The following PTPRT variants were observed in gnomAD, a reference collection of about 807,000 sequenced individuals.
The protein encoded by PTPRT is receptor-type tyrosine-protein phosphatase T.
Under a neutral mutation model 176.8 loss-of-function variants are expected in PTPRT, and 56 were observed. That is an observed-to-expected ratio of 0.32 (90% CI 0.26 to 0.40). The LOEUF (loss-of-function observed/expected upper bound fraction) is 0.40. PTPRT is among the 10% of genes least tolerant of loss of function. PTPRT has a pLI of 1.00. For missense variants in PTPRT, 1,540 were observed against 1,908.2 expected, an observed-to-expected ratio of 0.81 and a Z score of 3.60; for synonymous variants, 783 against 739.0, an observed-to-expected ratio of 1.06 and a Z score of -0.96.
intron 13 of PTPRT, among the ~76,000 whole-genome samples, chr20:42,264,777 A>T (rs974345972): frequency 2.0e-5 from 3 of 152,168 alleles, no homozygotes; most frequent in Admixed American, 6.5e-5. Flanking sequence ...TCCACCTTAT[A>T]TCCTAAAGCT....
chr20:42,885,952 GGGTAA>G lies in PTPRT; in HGVS notation c.89-25_89-21del, dbSNP rs766883216. On this transcript the variant is annotated intron_variant, in intron 1 of 30. Transcript: ENST00000373187. ...AGCCACCTGTAGACAAAAGAGATAT[GGGTAA>G]ATACATTCCCGTGTCTGAGGCTTGG... 4 of 1,583,684 alleles carry G rather than the reference GGGTAA, an allele frequency of 2.5e-6. No individual in the cohort carries two copies. The highest frequency in any genetic ancestry group is 3.4e-6 in the Non-Finnish European group (4 of 1,161,226).
At chr20:42,050,380 G>A in the PTPRT span, among the ~76,000 whole-genome samples, 1,504 of 152,196 alleles carry the variant, frequency 9.9e-3, 25 homozygotes, top group African/African-American at 0.034. Flanking sequence ...AAGAACTGAG[G>A]GCCAGAAATA....
the PTPRT span, among the ~76,000 whole-genome samples, chr20:42,050,894 T>C: frequency 3.3e-5 from 5 of 152,204 alleles, no homozygotes; most frequent in African/African-American, 9.6e-5. Context: ...CCAGGAGCTG[T>C]GGGTTATCCA....
intron 1 of PTPRT, among the ~76,000 whole-genome samples, chr20:43,180,838 G>C (rs2015240206): frequency 6.6e-6 from 1 of 151,978 alleles, no homozygotes; most frequent in Non-Finnish European, 1.5e-5. Context: ...ATAGCCTATT[G>C]GTTCTGTTTC....
intron 1 of PTPRT, among the ~76,000 whole-genome samples, chr20:43,101,995 C>G (rs184537787): frequency 1.7e-3 from 260 of 152,240 alleles, no homozygotes; most frequent in African/African-American, 6.1e-3. Flanking sequence ...AAGACCTATT[C>G]ATCATAGATG....
intron 7 of PTPRT, among the ~76,000 whole-genome samples, chr20:42,594,034 G>A (rs1481171330): frequency 1.1e-4 from 16 of 152,152 alleles, no homozygotes; most frequent in Non-Finnish European, 2.9e-5. Flanking sequence ...GTACCAGAGA[G>A]TACCGGAGGA....
intron 12 of PTPRT, among the ~76,000 whole-genome samples, chr20:42,288,367 T>C (rs569179364): frequency 7.3e-6 from 1 of 136,966 alleles, no homozygotes; most frequent in Non-Finnish European, 1.6e-5. Flanking sequence ...TTTTGTTTTG[T>C]TTTAAGATTC....
chr20:42,447,457 C>G (rs2070753765), intron 9 of PTPRT, among the ~76,000 whole-genome samples: 1 of 151,838 alleles, frequency 6.6e-6, no homozygotes, highest in Non-Finnish European at 1.5e-5. Flanking sequence ...TCCACTTGAT[C>G]TAGTATTGTA....
chr20:42,363,821 A>T (rs1285185348), intron 9 of PTPRT, among the ~76,000 whole-genome samples: 2 of 152,262 alleles, frequency 1.3e-5, no homozygotes, highest in East Asian at 3.9e-4. Context: ...AGGCAGAGGC[A>T]GGCTTGGAAC....
intron 12 of PTPRT, among the ~76,000 whole-genome samples, chr20:42,295,934 T>G (rs1600796612): frequency 6.6e-6 from 1 of 152,242 alleles, no homozygotes; most frequent in East Asian, 1.9e-4. Flanking sequence ...ACATGTTTGC[T>G]TCTCCTTCCG....
chr20:42,917,553 A>G (rs898460090), intron 1 of PTPRT, among the ~76,000 whole-genome samples: 2 of 152,216 alleles, frequency 1.3e-5, no homozygotes, highest in Non-Finnish European at 2.9e-5. Flanking sequence ...TACATTGGGC[A>G]GTATGGCCAT....
At chr20:42,738,173 G>A (rs2076564685) in intron 6 of PTPRT, among the ~76,000 whole-genome samples, 1 of 152,128 alleles carries the variant, frequency 6.6e-6, no homozygotes, top group African/African-American at 2.4e-5. Flanking sequence ...TTATAAACAA[G>A]CAGTTAGTTC....
At chr20:42,397,633 CG>C (rs993609694) in intron 9 of PTPRT, among the ~76,000 whole-genome samples, 8 of 152,150 alleles carry the variant, frequency 5.3e-5, no homozygotes, top group Admixed American at 5.2e-4. Context: ...ATTTCTTTTT[CG>C]GGTCTGCATA....
At chr20:42,369,902 T>A (rs1456133152) in intron 9 of PTPRT, among the ~76,000 whole-genome samples, 1 of 152,226 alleles carries the variant, frequency 6.6e-6, no homozygotes, top group African/African-American at 2.4e-5. Context: ...ATTTCCCTGA[T>A]GAGAACATCT....
rs547386812 is a variant in PTPRT at position 43,187,390 on chromosome 20, G to A, written c.88+2256C>T. On this transcript the variant is annotated intron_variant, in intron 1 of 30. Transcript: ENST00000373187. ...AAATACTAACAATTTCTGAATTTAGGAATAAAATAAGATAAGTCCATTTTT... is the reference window on the plus strand; with the variant it reads ...AAATACTAACAATTTCTGAATTTAGAAATAAAATAAGATAAGTCCATTTTT... 2.0e-5 allele frequency among the ~76,000 whole-genome samples: 3 copies of A among 151,924 alleles called. No homozygotes were observed. The East Asian group carries it at 5.8e-4, about 29-fold the overall frequency.
At chr20:42,121,778 T>C (rs1987606261) in intron 19 of PTPRT, among the ~76,000 whole-genome samples, 1 of 150,858 alleles carries the variant, frequency 6.6e-6, no homozygotes, top group Non-Finnish European at 1.5e-5. Context: ...TAGTATTCCA[T>C]GGTGTGTGTA....
At chr20:43,118,416 G>A (rs897035259) in intron 1 of PTPRT, among the ~76,000 whole-genome samples, 1 of 152,032 alleles carries the variant, frequency 6.6e-6, no homozygotes, top group African/African-American at 2.4e-5. Flanking sequence ...CCTCCTCACG[G>A]GTCGATGAAA....
chr20:42,241,869 T>C (rs2056360761), intron 14 of PTPRT, among the ~76,000 whole-genome samples: 2 of 152,160 alleles, frequency 1.3e-5, no homozygotes, highest in South Asian at 4.1e-4. Flanking sequence ...CCACAGAATT[T>C]GGCATCTCAG....
At chr20:42,774,051 G>A (rs935737992) in intron 4 of PTPRT, among the ~76,000 whole-genome samples, 2 of 151,994 alleles carry the variant, frequency 1.3e-5, no homozygotes, top group East Asian at 1.9e-4. Flanking sequence ...TTCCTTCTAG[G>A]TTCAGTGGTA....
Sources: allele counts gnomAD v4.1 joint callset (sites outside exome capture counted in the v4.1 genomes callset), GRCh38; gene constraint gnomAD v4.1.1; transcripts MANE v1.5; gene names NCBI Gene and HGNC (gene_info 2026-07-23, HGNC 2026-07-21).